Variants in RRAGC observed in about 807,000 individuals in gnomAD.
RRAGC encodes the protein Ras related GTP binding C, also known as ras-related GTP-binding protein C.
RRAGC carries 8 observed loss-of-function variants against 37.1 expected under a neutral mutation model. The ratio of observed to expected loss-of-function variants is 0.22; its 90% CI spans 0.13 to 0.39. The LOEUF (loss-of-function observed/expected upper bound fraction) is 0.39. Ranked by LOEUF, RRAGC falls within the 10% of genes least tolerant of loss-of-function variation. RRAGC has a pLI of 1.00. For missense variants in RRAGC, 342 were observed against 497.6 expected, an observed-to-expected ratio of 0.69 and a Z score of 2.98; for synonymous variants, 190 against 181.1, an observed-to-expected ratio of 1.05 and a Z score of -0.39.
chr1:38,848,890 G>A (rs747573612), intron 5 of RRAGC, among the ~76,000 whole-genome samples: 1 of 152,090 alleles, frequency 6.6e-6, no homozygotes, highest in Non-Finnish European at 1.5e-5. Context: ...CCAGCACTTT[G>A]GGAAACCAAG....
Position 38,856,885 on chromosome 1 carries a change from G to A in RRAGC, c.435C>T (p.Asp145=), listed in dbSNP as rs764747766. 33 of 1,613,786 alleles carry A rather than the reference G, an allele frequency of 2.0e-5. No individual in the cohort carries two copies. The highest frequency in any genetic ancestry group is 1.6e-4 in the Middle Eastern group (1 of 6,080). Residue 145 remains aspartate, a synonymous_variant, in exon 2 of 7, where the codon GAC becomes GAT. Transcript: ENST00000373001. ...TAAACACATTACTGACTACCTGTGC[G>A]TCAATGACGTATATCAATGCTCCTG... ...RGTGALIYVI[D]AQDDYMEALT...
chr1:38,851,968 T>C (rs951542078), intron 4 of RRAGC, among the ~76,000 whole-genome samples: 2 of 152,218 alleles, frequency 1.3e-5, no homozygotes, highest in Non-Finnish European at 2.9e-5. Context: ...CTGACACAAT[T>C]TCCTAAGTCA....
At chr1:38,858,504 C>G (rs1187823575) in intron 1 of RRAGC, among the ~76,000 whole-genome samples, 1 of 152,118 alleles carries the variant, frequency 6.6e-6, no homozygotes, top group Non-Finnish European at 1.5e-5. Flanking sequence ...TCGAGATGAC[C>G]CTGGCCAACA....
At chr1:38,840,863 T>G (rs2124212507) in intron 6 of RRAGC, among the ~76,000 whole-genome samples, 1 of 152,324 alleles carries the variant, frequency 6.6e-6, no homozygotes, top group South Asian at 2.1e-4. Flanking sequence ...AAAGACAAGT[T>G]TTGATCAATT....
intron 5 of RRAGC, among the ~76,000 whole-genome samples, chr1:38,850,833 CTTTT>C (rs1027128096): frequency 6.9e-6 from 1 of 143,964 alleles, no homozygotes; most frequent in Non-Finnish European, 1.5e-5. Context: ...GTTATTAACT[CTTTT>C]TTTGTTGTTT....
intron 1 of RRAGC, 91 bp from the exon 2 acceptor site, chr1:38,857,173 C>A: frequency 9.2e-7 from 1 of 1,081,972 alleles, no homozygotes; most frequent in Non-Finnish European, 1.3e-6. Context: ...AACATTTGAT[C>A]CCACAAAAAA....
intron 1 of RRAGC, among the ~76,000 whole-genome samples, chr1:38,858,273 G>C (rs1642191796): frequency 6.6e-6 from 1 of 152,152 alleles, no homozygotes; most frequent in Non-Finnish European, 1.5e-5. Flanking sequence ...ATTTATTTTG[G>C]ATAGGCCTTT....
chr1:38,850,736 GAT>G (rs1385988553), intron 5 of RRAGC, among the ~76,000 whole-genome samples: 1 of 152,130 alleles, frequency 6.6e-6, no homozygotes, highest in African/African-American at 2.4e-5. Context: ...AGAAAGCAAA[GAT>G]AATGCTAAAA....
chr1:38,858,687 G>T (rs543730528), intron 1 of RRAGC, among the ~76,000 whole-genome samples: 1 of 152,312 alleles, frequency 6.6e-6, no homozygotes, highest in East Asian at 1.9e-4. Flanking sequence ...GCGACAGAGC[G>T]AGAGACTCCG....
At chr1:38,839,782 T>A (rs1200301838) in intron 6 of RRAGC, 78 bp from the exon 7 acceptor site, 1 of 1,409,072 alleles carries the variant, frequency 7.1e-7, no homozygotes, top group Non-Finnish European at 9.9e-7. Flanking sequence ...CAGCCAAAAA[T>A]AACTCGGATA....
Position 38,857,093 on chromosome 1 carries a change from A to T in RRAGC, c.238-11T>A. ...CTTATGAAACACCACCTGTTAAAAG[A>T]AAACAGGCAATTTTATGACTATTAA... On this transcript the variant is annotated splice_polypyrimidine_tract_variant and intron_variant, in intron 1 of 6. Coordinates refer to ENST00000373001, the MANE Select transcript of RRAGC (RefSeq NM_022157.4). 6.4e-7 allele frequency: 1 copy of T among 1,574,498 alleles called. No homozygotes were observed. Among genetic ancestry groups the T allele is most frequent in the Non-Finnish European group, 8.7e-7 (1 of 1,145,048 alleles).
At chr1:38,855,202 G>C (rs1336752837) in intron 3 of RRAGC, among the ~76,000 whole-genome samples, 1 of 152,152 alleles carries the variant, frequency 6.6e-6, no homozygotes, top group Non-Finnish European at 1.5e-5. Context: ...AGTCAGTCCA[G>C]GGGGGAGGTG....
In RRAGC at chr1:38,859,579, G is replaced by A; in HGVS notation, c.68C>T (p.Pro23Leu). Residue 23 changes from proline (P) to leucine (L), a missense_variant, in exon 1 of 7, where the codon CCA becomes CTA. Pro to Leu is a moderately conservative substitution (Grantham distance 98, BLOSUM62 -3). Coordinates refer to ENST00000373001, the MANE Select transcript of RRAGC (RefSeq NM_022157.4). ...CTCCACGCCGTAGCCGAAGTCCTTT[G>A]GAAACGAATCGGCCGCGCCGTAACT... ...AGSYGAADSF[P>L]KDFGYGVEEE... The A allele has an allele frequency of 1.3e-6, 2 of 1,562,558 alleles. No homozygotes were observed. Among genetic ancestry groups the A allele is most frequent in the Non-Finnish European group, 1.7e-6 (2 of 1,154,942 alleles).
At chr1:38,854,170 C>T (rs1210312290) in intron 3 of RRAGC, among the ~76,000 whole-genome samples, 2 of 149,952 alleles carry the variant, frequency 1.3e-5, no homozygotes, top group Admixed American at 6.7e-5. Flanking sequence ...TGGGTTCAAG[C>T]GATTCTCCTC....
chr1:38,851,774 G>A lies in RRAGC; in HGVS notation c.757-17C>T. 2.5e-6 allele frequency: 4 copies of A among 1,600,638 alleles called. No homozygotes were observed. The highest frequency in any genetic ancestry group is 2.3e-5 in the East Asian group (1 of 44,138). On this transcript the variant is annotated splice_polypyrimidine_tract_variant and intron_variant, in intron 4 of 6. Transcript: ENST00000373001. ...ACCTGAATTCTTGGAAAAACAAATGGGAAACTGTTCAGTATTTTTTAAGAA... is the reference window on the plus strand; with the variant it reads ...ACCTGAATTCTTGGAAAAACAAATGAGAAACTGTTCAGTATTTTTTAAGAA...
In RRAGC at chr1:38,855,739, C is replaced by G. The variant is rs1642160014; in HGVS notation, c.610G>C (p.Ala204Pro). The change falls in exon 3 of 7, where the codon GCA becomes CCA. Residue 204 changes from alanine to proline, a missense_variant. Coordinates refer to ENST00000373001, the MANE Select transcript of RRAGC (RefSeq NM_022157.4). ...DIHQRANDDL[A>P]DAGLEKLHLS... ...TGGAGTTTTTCTAGCCCAGCATCTG[C>G]AAGGTCATCATTGGCCCTTTGATGA... 1 of 1,613,966 alleles carries G rather than the reference C, an allele frequency of 6.2e-7. No homozygotes were observed.
In RRAGC at chr1:38,859,440, G is replaced by C. The variant is rs1245478603; in HGVS notation, c.207C>G (p.Leu69=). The change falls in exon 1 of 7, where the codon CTC becomes CTG. Residue 69 remains leucine, a synonymous_variant. Transcript: ENST00000373001. The part of the protein sequence containing the change: ...SSKPRILLMG[L]RRSGKSSIQK... ...GGATGGAGGACTTGCCGCTGCGCCG[G>C]AGTCCCATGAGCAGAATCCTCGGCT... 3.5e-5 allele frequency: 54 copies of C among 1,548,456 alleles called. No individual in the cohort carries two copies. Among genetic ancestry groups the C allele is most frequent in the Non-Finnish European group, 4.4e-5 (51 of 1,146,624 alleles).
intron 5 of RRAGC, among the ~76,000 whole-genome samples, chr1:38,851,341 T>TC (rs1391205165): frequency 6.6e-6 from 1 of 152,126 alleles, no homozygotes; most frequent in Non-Finnish European, 1.5e-5. Flanking sequence ...AGTGCAACCC[T>TC]CCCCCATCCC....
intron 6 of RRAGC, among the ~76,000 whole-genome samples, chr1:38,842,361 G>A (rs1172159365): frequency 1.3e-5 from 2 of 152,140 alleles, no homozygotes; most frequent in African/African-American, 2.4e-5. Context: ...ATATGGAACA[G>A]GTAAAATGTG....
Sources: allele counts gnomAD v4.1 joint callset (sites outside exome capture counted in the v4.1 genomes callset), GRCh38; gene constraint gnomAD v4.1.1; transcripts MANE v1.5; gene names NCBI Gene and HGNC (gene_info 2026-07-23, HGNC 2026-07-21).